Variants in SMARCA4 observed in about 807,000 individuals in gnomAD.
The protein encoded by SMARCA4 is SWI/SNF-related matrix-associated actin-dependent regulator of chromatin subfamily A member 4.
Under a neutral mutation model 193.9 loss-of-function variants are expected in SMARCA4, and 31 were observed. The observed-to-expected ratio is 0.16, with a 90% CI of 0.12 to 0.22. SMARCA4 has a LOEUF of 0.22. SMARCA4 is among the 10% of genes least tolerant of loss of function. The pLI, the probability that SMARCA4 is intolerant of heterozygous loss-of-function variation, is 1.00. For synonymous variants in SMARCA4, 942 were observed against 933.1 expected, an observed-to-expected ratio of 1.01 and a Z score of -0.17; for missense variants, 1,148 against 2,296.0, an observed-to-expected ratio of 0.50 and a Z score of 10.22.
At position 11,023,648 on chromosome 19, in the gene SMARCA4, G is replaced by A. The variant is rs1307082728; in HGVS notation, c.2973+17G>A. 2 of 1,522,118 alleles carry A rather than the reference G, an allele frequency of 1.3e-6. No homozygotes were observed. The highest frequency in any genetic ancestry group is 9.1e-7 in the Non-Finnish European group (1 of 1,103,706). 94.3% of individuals were successfully genotyped at this position (1,522,118 alleles called of 1,614,324 possible). ...CCCGAAAAGGTGATGGAGTTTTGAG[G>A]GGAGCCACCAGTGAAGCAGCCTCAC... On this transcript the variant is annotated intron_variant, in intron 20 of 34. Coordinates refer to ENST00000344626, the MANE Select transcript of SMARCA4 (RefSeq NM_003072.5).
At position 10,989,606 on chromosome 19, in the gene SMARCA4, T is replaced by TA. The variant is rs983252257; in HGVS notation, c.1245+164dup. Among the ~76,000 whole-genome samples the TA allele has an allele frequency of 5.0e-4, 76 of 152,316 alleles. 1 individual carries two copies. The highest frequency in any genetic ancestry group is 4.8e-3 in the Admixed American group (74 of 15,296). ...CTCAATCACTGCAGAGCCTTCCTCT[T>TA]ACGGCCTGCGCAGTGCTGGGGACGT... On this transcript the variant is annotated intron_variant, in intron 7 of 34. Coordinates refer to ENST00000344626, the MANE Select transcript of SMARCA4 (RefSeq NM_003072.5).
intron 1 of SMARCA4, among the ~76,000 whole-genome samples, chr19:10,977,393 G>A (rs1270353773): frequency 6.6e-6 from 1 of 150,950 alleles, no homozygotes; most frequent in East Asian, 2.0e-4. Context: ...GTGTGATCTC[G>A]GCTCACTGCA....
At chr19:11,059,047 G>A (rs1408807078) in intron 32 of SMARCA4, 158 bp downstream of exon 32, 2 of 650,260 alleles carry the variant, frequency 3.1e-6, no homozygotes, top group African/African-American at 3.6e-5. Flanking sequence ...GGCCAAGGCG[G>A]GAGGATCACT....
In SMARCA4 at chr19:10,987,824, G is replaced by A. The variant is rs371214327; in HGVS notation, c.1018G>A (p.Ala340Thr). The change falls in exon 6 of 35, where the codon GCG (alanine) becomes ACG (threonine). Residue 340 changes from alanine to threonine, a missense_variant. Coordinates refer to ENST00000344626, the MANE Select transcript of SMARCA4 (RefSeq NM_003072.5). The surrounding 1 kb of genome is among the most constrained non-coding windows in gnomAD (Gnocchi z 5.3). ...TQSPGQPAQP[A>T]PMVPLHQKQS... ...GTCCCCCGGGCAGCCGGCCCAGCCCGCGCCCATGGTGCCACTGCACCAGAA... is the reference window on the plus strand; with the variant it reads ...GTCCCCCGGGCAGCCGGCCCAGCCCACGCCCATGGTGCCACTGCACCAGAA... The A allele has an allele frequency of 2.2e-5, 35 of 1,607,814 alleles. No homozygotes were observed. In the East Asian group the frequency reaches 3.1e-4, roughly 14 times the overall value.
At chr19:11,015,190 A>G (rs1226818725) in intron 16 of SMARCA4, among the ~76,000 whole-genome samples, 1 of 152,208 alleles carries the variant, frequency 6.6e-6, no homozygotes, top group Non-Finnish European at 1.5e-5. Context: ...CCATTCTTTC[A>G]TAACCCCAAG....
chr19:11,058,823 C>T lies in SMARCA4; in HGVS notation c.4569C>T (p.Asn1523=), dbSNP rs34389675. ...RIRNHKYRSL[N]DLEKDVMLLC... The stretch of plus-strand genomic sequence containing the variant: ...GCAACCACAAGTACCGCAGCCTCAA[C>T]GACCTAGAGAAGGACGTCATGCTCC... The change falls in exon 32 of 35, where the codon AAC becomes AAT. Residue 1523 remains asparagine, a synonymous_variant. Transcript: ENST00000344626. The surrounding 1 kb of genome is among the most constrained non-coding windows in gnomAD (Gnocchi z 5.8). 8.1e-6 allele frequency: 13 copies of T among 1,614,020 alleles called. No individual in the cohort carries two copies. The highest frequency in any genetic ancestry group is 5.3e-5 in the African/African-American group (4 of 74,922).
chr19:11,059,895 G>C lies in SMARCA4; in HGVS notation c.4768+10G>C, dbSNP rs201665695. The C allele has an allele frequency of 3.1e-6, 5 of 1,613,196 alleles. No homozygotes were observed. The East Asian group carries it at 6.7e-5, about 22-fold the overall frequency. On this transcript the variant is annotated intron_variant, in intron 33 of 34. Coordinates refer to ENST00000344626, the MANE Select transcript of SMARCA4 (RefSeq NM_003072.5). Reference sequence around the variant, plus strand: ...GGCTCCGAATCCGAATGTGAGTCCCGGGGGGGTTCAGGACGCCGGGGTTCA... The same window carrying C: ...GGCTCCGAATCCGAATGTGAGTCCCCGGGGGGTTCAGGACGCCGGGGTTCA...
At chr19:10,981,261 C>T (rs187678978) in intron 1 of SMARCA4, among the ~76,000 whole-genome samples, 12 of 152,326 alleles carry the variant, frequency 7.9e-5, no homozygotes, top group Non-Finnish European at 1.3e-4. Flanking sequence ...CTGCCCTGGC[C>T]GTGCCCACGT....
chr19:10,985,521 C>G lies in SMARCA4; in HGVS notation c.355+116C>G, dbSNP rs917024469. 7.6e-7 allele frequency: 1 copy of G among 1,309,672 alleles called. No homozygotes were observed. The allele number at this position is 1,309,672 out of a possible 1,614,324, so 81.1% of individuals were successfully genotyped here. ...CAGGGAGTACCTAGGATGATGTAGCCGGGTGGGTGGCCCGCCACAGAGAGC... is the reference window on the plus strand; with the variant it reads ...CAGGGAGTACCTAGGATGATGTAGCGGGGTGGGTGGCCCGCCACAGAGAGC... On this transcript the variant is annotated intron_variant, in intron 3 of 34. Coordinates refer to ENST00000344626, the MANE Select transcript of SMARCA4 (RefSeq NM_003072.5). The surrounding 1 kb of genome is among the most constrained non-coding windows in gnomAD (Gnocchi z 4.5).
chr19:11,027,139 T>G (rs776740101), intron 23 of SMARCA4, among the ~76,000 whole-genome samples: 1 of 152,226 alleles, frequency 6.6e-6, no homozygotes, highest in Non-Finnish European at 1.5e-5. Context: ...CCTGGGGTAG[T>G]AAGCCATTTG....
rs190112324 is a variant in SMARCA4 at position 11,011,003 on chromosome 19, G to A, written c.2274+472G>A. 246 of 246,064 alleles carry A rather than the reference G, an allele frequency of 1.0e-3. 3 individuals carry two copies. In the East Asian group the frequency reaches 0.019, roughly 19 times the overall value. The allele number at this position is 246,064 out of a possible 1,614,324, so 15.2% of individuals were successfully genotyped here. On this transcript the variant is annotated intron_variant, in intron 15 of 34. Coordinates refer to ENST00000344626, the MANE Select transcript of SMARCA4 (RefSeq NM_003072.5). ...CTAGGAGCCGGCAGCCCTGGACTCC[G>A]CTCTTTCTTCTGGGGATGAGGTAGC...
chr19:11,013,283 G>A (rs541619077), intron 16 of SMARCA4, among the ~76,000 whole-genome samples, 171 bp downstream of exon 16: 2 of 152,282 alleles, frequency 1.3e-5, no homozygotes, highest in African/African-American at 4.8e-5. Context: ...TCCTCCTGAG[G>A]CCTCTCTTCC....
At position 10,986,203 on chromosome 19, in the gene SMARCA4, C is replaced by T. The variant is rs2145771417; in HGVS notation, c.370C>T (p.Leu124=). Residue 124 remains leucine, a synonymous_variant, in exon 4 of 35, where the codon CTG becomes TTG. Transcript: ENST00000344626. This position sits in a 1 kb window ranked among gnomAD's most constrained non-coding sequence, Gnocchi z 6.7. ...TTTCTCTGCAGGTTACCCCTCGCCC[C>T]TGGGTGGCTCTGAGCATGCCTCTAG... ...DQHSQGYPSP[L]GGSEHASSPV... The T allele has an allele frequency of 6.2e-7, 1 of 1,613,906 alleles. No individual in the cohort carries two copies. The highest frequency in any genetic ancestry group is 8.5e-7 in the Non-Finnish European group (1 of 1,180,002).
rs1445478818 is a variant in SMARCA4, at chr19:11,021,941, G to A, written c.2833G>A (p.Ala945Thr). 6.2e-7 allele frequency: 1 copy of A among 1,612,734 alleles called. No individual in the cohort carries two copies. Among genetic ancestry groups the A allele is most frequent in the South Asian group, 1.1e-5 (1 of 91,040 alleles). ...SCSTFEQWFN[A>T]PFAMTGEKVD... is the part of the protein sequence containing the mutation. ...CAGCACCTTCGAGCAGTGGTTTAAC[G>A]CACCCTTTGCCATGACCGGGGAAAA... The change falls in exon 19 of 35, where the codon GCA becomes ACA. Residue 945 changes from alanine (A) to threonine (T), a missense_variant. This residue lies in a region of SMARCA4 where 74 missense variants were observed against 392.3 expected (regional missense o/e 0.19). Transcript: ENST00000344626.
chr19:10,993,942 G>A (rs764037820), intron 8 of SMARCA4, among the ~76,000 whole-genome samples: 3 of 151,934 alleles, frequency 2.0e-5, no homozygotes, highest in Non-Finnish European at 4.4e-5. Context: ...GCGCCCTGCC[G>A]CCAGTGCTGA....
At chr19:10,982,563 G>A (rs989285033) in intron 1 of SMARCA4, among the ~76,000 whole-genome samples, 20 of 150,930 alleles carry the variant, frequency 1.3e-4, no homozygotes, top group African/African-American at 4.4e-4. Flanking sequence ...GCGGTGGCAC[G>A]ATCTCGGCTC....
intron 13 of SMARCA4, among the ~76,000 whole-genome samples, chr19:11,005,358 T>C (rs2088096443): frequency 1.3e-5 from 2 of 152,218 alleles, no homozygotes; most frequent in Non-Finnish European, 2.9e-5. Context: ...TTCGTGATTT[T>C]TTTCCTGGTT....
Position 10,983,870 on chromosome 19 carries a change from G to A in SMARCA4, c.-31-251G>A, listed in dbSNP as rs570854503. On this transcript the variant is annotated intron_variant, in intron 1 of 34. Coordinates refer to ENST00000344626, the MANE Select transcript of SMARCA4 (RefSeq NM_003072.5). ...AGGAATATGGCAGGAGCCCCTGAAG[G>A]CCCCTGTGGGGCAGTGCTTGTCTGT... 2.6e-5 allele frequency among the ~76,000 whole-genome samples: 4 copies of A among 152,198 alleles called. No homozygotes were observed. The South Asian group carries it at 8.3e-4, about 32-fold the overall frequency.
At chr19:10,997,267 C>T (rs952726589) in intron 11 of SMARCA4, among the ~76,000 whole-genome samples, 4 of 152,060 alleles carry the variant, frequency 2.6e-5, no homozygotes, top group African/African-American at 9.7e-5. Context: ...GGCACAATCT[C>T]TGCTCACTGC....
Sources: gnomAD v4.1 joint callset for allele counts (sites outside exome capture counted in the v4.1 genomes callset) on GRCh38, gnomAD v4.1.1 for gene constraint, gnomAD v4.1.1 regional missense constraint, Gnocchi (gnomAD v3.1) non-coding constraint, MANE v1.5 for transcripts, NCBI Gene and HGNC (gene_info 2026-07-23, HGNC 2026-07-21) for gene names.